GRM8: variants seen among roughly 807,000 people sequenced by gnomAD.
GRM8 encodes metabotropic glutamate receptor 8.
GRM8 carries 47 observed loss-of-function variants against 87.2 expected under a neutral mutation model. That is an observed-to-expected ratio of 0.54 (90% confidence interval 0.43 to 0.69). The LOEUF (loss-of-function observed/expected upper bound fraction) is 0.69. Ranked by LOEUF, GRM8 falls within the 30% of genes least tolerant of loss-of-function variation. The pLI, the probability that GRM8 is intolerant of heterozygous loss-of-function variation, is 0.00. For synonymous variants in GRM8, 396 were observed against 404.5 expected, an observed-to-expected ratio of 0.98 and a Z score of 0.25; for missense variants, 1,019 against 1,139.2, an observed-to-expected ratio of 0.89 and a Z score of 1.52.
chr7:126,741,385 T>A (rs551686232), intron 7 of GRM8, among the ~76,000 whole-genome samples: 2 of 152,244 alleles, frequency 1.3e-5, no homozygotes, highest in East Asian at 3.9e-4. Context: ...AATCATATTC[T>A]CCAAGCATTT....
At chr7:127,002,053 G>A (rs555786951) in intron 3 of GRM8, among the ~76,000 whole-genome samples, 2 of 151,658 alleles carry the variant, frequency 1.3e-5, no homozygotes, top group East Asian at 3.9e-4. Flanking sequence ...AGAGAGGTGT[G>A]ACTACAAAGT....
At chr7:126,897,622 C>A (rs1432482743) in intron 6 of GRM8, among the ~76,000 whole-genome samples, 3 of 151,964 alleles carry the variant, frequency 2.0e-5, no homozygotes, top group Non-Finnish European at 4.4e-5. Flanking sequence ...TAAAATAACA[C>A]CCATCACCAC....
chr7:127,241,637 G>A (rs938294076), intron 2 of GRM8, among the ~76,000 whole-genome samples: 11 of 152,006 alleles, frequency 7.2e-5, no homozygotes, highest in South Asian at 4.2e-4. Flanking sequence ...GGGTTTCACC[G>A]TGTTAGCCAG....
intron 7 of GRM8, among the ~76,000 whole-genome samples, chr7:126,669,720 T>G (rs970289361): frequency 3.3e-5 from 5 of 152,180 alleles, no homozygotes; most frequent in Non-Finnish European, 7.3e-5. Flanking sequence ...AGATAACAAT[T>G]GCTGGGGTTA....
intron 3 of GRM8, among the ~76,000 whole-genome samples, chr7:127,099,633 AC>A (rs1258896180): frequency 6.6e-6 from 1 of 152,112 alleles, no homozygotes; most frequent in Non-Finnish European, 1.5e-5. Flanking sequence ...GAATTTGTGA[AC>A]TCGCTATATT....
intron 3 of GRM8, chr7:127,076,095 T>G (rs555287332): frequency 2.7e-4 from 120 of 443,750 alleles, no homozygotes; most frequent in Non-Finnish European, 4.5e-4. Flanking sequence ...TTGAGAAAGG[T>G]GGTCAGTAGA....
intron 7 of GRM8, among the ~76,000 whole-genome samples, chr7:126,764,282 TGAGA>T (rs1817955154): frequency 6.6e-6 from 1 of 152,014 alleles, no homozygotes; most frequent in South Asian, 2.1e-4. Flanking sequence ...TGTTATAGAC[TGAGA>T]AAGATGTGCT....
chr7:127,046,796 G>A (rs1818971100), intron 3 of GRM8, among the ~76,000 whole-genome samples: 1 of 151,652 alleles, frequency 6.6e-6, no homozygotes, highest in Non-Finnish European at 1.5e-5. Flanking sequence ...TTGCCCTATT[G>A]TATTACCCAG....
At chr7:126,442,862 G>GT (rs1227385795) in intron 10 of GRM8, among the ~76,000 whole-genome samples, 3 of 152,030 alleles carry the variant, frequency 2.0e-5, no homozygotes, top group African/African-American at 7.2e-5. Flanking sequence ...AAAAGGAAGT[G>GT]TAAGGTTCTG....
At chr7:127,193,775 G>A (rs1206292070) in intron 2 of GRM8, among the ~76,000 whole-genome samples, 2 of 152,086 alleles carry the variant, frequency 1.3e-5, no homozygotes, top group East Asian at 3.9e-4. Context: ...CATAAGCTTT[G>A]GCATCTCTAA....
At chr7:126,669,900 C>T (rs1227388876) in intron 7 of GRM8, among the ~76,000 whole-genome samples, 1 of 152,144 alleles carries the variant, frequency 6.6e-6, no homozygotes, top group Non-Finnish European at 1.5e-5. Context: ...GCCGAAGGTT[C>T]AAACAAGTGG....
At position 126,936,229 on chromosome 7, in the gene GRM8, AT is replaced by A. The variant is rs374462957; in HGVS notation, c.728-31547del. 9.1e-4 allele frequency among the ~76,000 whole-genome samples: 138 copies of A among 151,942 alleles called. 1 individual carries two copies. Among genetic ancestry groups the A allele is most frequent in the African/African-American group, 2.0e-3 (83 of 41,346 alleles). Reference sequence around the variant, plus strand: ...AAAACGTTTGATCACTTGTCCTGTGATTTTTTTTCTTAAAACTCAACTCACA... The same window carrying A: ...AAAACGTTTGATCACTTGTCCTGTGATTTTTTTCTTAAAACTCAACTCACA... On this transcript the variant is annotated intron_variant, in intron 3 of 10. Coordinates refer to ENST00000339582, the MANE Select transcript of GRM8 (RefSeq NM_000845.3).
At chr7:126,577,007 C>T (rs1330817927) in intron 8 of GRM8, among the ~76,000 whole-genome samples, 3 of 152,200 alleles carry the variant, frequency 2.0e-5, no homozygotes, top group African/African-American at 7.2e-5. Flanking sequence ...TCACTACCAA[C>T]CCAATGGCTC....
intron 6 of GRM8, among the ~76,000 whole-genome samples, chr7:126,799,062 T>C (rs1468069618): frequency 6.6e-6 from 1 of 151,992 alleles, no homozygotes; most frequent in Non-Finnish European, 1.5e-5. Context: ...GCCAAAGACA[T>C]AGAGGGACTA....
intron 6 of GRM8, among the ~76,000 whole-genome samples, chr7:126,886,139 A>T (rs1800470273): frequency 6.6e-6 from 1 of 152,134 alleles, no homozygotes; most frequent in African/African-American, 2.4e-5. Context: ...AAACATAGAG[A>T]TATTGAAGAT....
At chr7:126,808,688 C>A (rs1793003588) in intron 6 of GRM8, among the ~76,000 whole-genome samples, 1 of 152,196 alleles carries the variant, frequency 6.6e-6, no homozygotes, top group African/African-American at 2.4e-5. Flanking sequence ...TTCCTTCCTT[C>A]TCTGTGATAA....
chr7:126,909,925 A>G (rs1245077970), intron 3 of GRM8, among the ~76,000 whole-genome samples: 3 of 152,146 alleles, frequency 2.0e-5, no homozygotes, highest in Non-Finnish European at 4.4e-5. Context: ...TTACCCATCC[A>G]CAATTGACTA....
rs79241944 is a variant in GRM8 at position 126,725,262 on chromosome 7, G to A, written c.1357+44603C>T. Among the ~76,000 whole-genome samples the A allele has an allele frequency of 6.6e-5, 10 of 152,266 alleles. No individual in the cohort carries two copies. In the East Asian group the frequency reaches 7.7e-4, roughly 12 times the overall value. On this transcript the variant is annotated intron_variant, in intron 7 of 10. Coordinates refer to ENST00000339582, the MANE Select transcript of GRM8 (RefSeq NM_000845.3). ...AATCACGTACATAAATACATGTGAC[G>A]CATGTTTATTTCAACCCAAGGCATC...
intron 3 of GRM8, among the ~76,000 whole-genome samples, chr7:126,972,696 TA>T (rs1810554121): frequency 1.3e-5 from 2 of 152,156 alleles, no homozygotes; most frequent in African/African-American, 4.8e-5. Context: ...TTTTGTGCTT[TA>T]AAAGAAAAGA....
Sources: gnomAD v4.1 joint callset for allele counts (sites outside exome capture counted in the v4.1 genomes callset) on GRCh38, gnomAD v4.1.1 for gene constraint, MANE v1.5 for transcripts, NCBI Gene and HGNC (gene_info 2026-07-23, HGNC 2026-07-21) for gene names.